The following PTPN4 variants were observed in gnomAD, a reference collection of about 807,000 sequenced individuals.
The protein encoded by PTPN4 is protein tyrosine phosphatase non-receptor type 4.
In PTPN4, 49 loss-of-function variants were observed where a neutral mutation model predicts 135.5. That is an observed-to-expected ratio of 0.36 (90% CI 0.29 to 0.46). The LOEUF is 0.46. Among genes scored for constraint, PTPN4 ranks in the 20% least tolerant of loss-of-function variants. The probability of loss-of-function intolerance (pLI) is 1.00; values close to 1 mark genes in which losing one functional copy is unlikely to be tolerated. For synonymous variants in PTPN4, 333 were observed against 369.9 expected (o/e 0.90, Z 1.14); for missense variants, 860 against 1,101.0 (o/e 0.78, Z 3.10).
intron 3 of PTPN4, among the ~76,000 whole-genome samples, chr2:119,869,849 A>G (rs1677883644): frequency 6.6e-6 from 1 of 152,240 alleles, no homozygotes. Flanking sequence ...GAATGTTGAC[A>G]TTCAGTGTTG....
intron 5 of PTPN4, among the ~76,000 whole-genome samples, chr2:119,878,770 T>G (rs1002763807): frequency 3.3e-5 from 5 of 151,210 alleles, no homozygotes; most frequent in Non-Finnish European, 7.4e-5. Flanking sequence ...CTTGCAACTA[T>G]TAGTAGAATC....
intron 13 of PTPN4, 35 bp downstream of exon 13, chr2:119,926,701 T>A (rs776700196): frequency 3.1e-5 from 46 of 1,477,548 alleles, no homozygotes; most frequent in Non-Finnish European, 3.9e-5. Flanking sequence ...TGAATTTTTT[T>A]AAAAAGATGG....
intron 3 of PTPN4, among the ~76,000 whole-genome samples, chr2:119,876,940 T>TGTGCGC (rs1182103102): frequency 1.3e-5 from 2 of 148,480 alleles, no homozygotes; most frequent in East Asian, 2.0e-4. Context: ...TGTGTGTGTG[T>TGTGCGC]GCGTGAAGGG....
intron 16 of PTPN4, among the ~76,000 whole-genome samples, chr2:119,945,733 A>G (rs1158741369): frequency 6.6e-6 from 1 of 152,144 alleles, no homozygotes; most frequent in Non-Finnish European, 1.5e-5. Context: ...AGAGACAGTA[A>G]GTAGATTTGT....
chr2:119,808,033 T>A (rs1691511209), intron 1 of PTPN4, among the ~76,000 whole-genome samples: 1 of 152,242 alleles, frequency 6.6e-6, no homozygotes, highest in South Asian at 2.1e-4. Context: ...CAGCCTTTCA[T>A]GCTAAAAACT....
At chr2:119,800,280 C>T (rs1691338528) in intron 1 of PTPN4, among the ~76,000 whole-genome samples, 2 of 152,066 alleles carry the variant, frequency 1.3e-5, no homozygotes, top group African/African-American at 2.4e-5. Flanking sequence ...TTATTTTGGC[C>T]GTTAAATAGG....
At chr2:119,866,192 T>C (rs1188470490) in intron 3 of PTPN4, among the ~76,000 whole-genome samples, 1 of 152,130 alleles carries the variant, frequency 6.6e-6, no homozygotes, top group Non-Finnish European at 1.5e-5. Context: ...CTTAGTGGTC[T>C]TTATCAGCAT....
chr2:119,866,371 T>A (rs930050549), intron 3 of PTPN4, among the ~76,000 whole-genome samples: 7 of 152,100 alleles, frequency 4.6e-5, no homozygotes, highest in African/African-American at 1.7e-4. Context: ...TGGTTTATGA[T>A]ATTTGACTGG....
At position 119,809,900 on chromosome 2, in the gene PTPN4, G is replaced by A. The variant is rs866186886; in HGVS notation, c.47G>A (p.Arg16Gln). The A allele has an allele frequency of 7.4e-6, 12 of 1,613,112 alleles. No individual in the cohort carries two copies. The highest frequency in any genetic ancestry group is 1.1e-5 in the South Asian group (1 of 91,042). The change falls in exon 2 of 27, where the codon CGA becomes CAA. Residue 16 changes from arginine (R) to glutamine (Q), a missense_variant. Physicochemically the swap from Arg to Gln is conservative, Grantham distance 43. Coordinates refer to ENST00000263708, the MANE Select transcript of PTPN4 (RefSeq NM_002830.4). ...RLPAGRTYNV[R>Q]ASELARDRQH... Reference sequence around the variant, plus strand: ...CCTGCTGGCAGAACCTACAATGTACGAGCATCAGAGTTGGCCCGAGACAGA... The same window carrying A: ...CCTGCTGGCAGAACCTACAATGTACAAGCATCAGAGTTGGCCCGAGACAGA...
chr2:119,967,868 A>T lies in PTPN4; in HGVS notation c.2590A>T (p.Thr864Ser). The T allele has an allele frequency of 6.2e-7, 1 of 1,611,106 alleles. No individual in the cohort carries two copies. The highest frequency in any genetic ancestry group is 8.5e-7 in the Non-Finnish European group (1 of 1,178,034). The stretch of plus-strand genomic sequence containing the variant: ...AATCGGAAGAACTGGGGTTCTTATT[A>T]CTATGGAAACAGCCATGTGTCTCAT... ...AGIGRTGVLI[T>S]METAMCLIEC... is the part of the protein sequence containing the mutation. The change falls in exon 26 of 27, where the codon ACT becomes TCT. Residue 864 changes from threonine to serine, a missense_variant. Physicochemically the swap from Thr to Ser is moderately conservative, Grantham distance 58. Coordinates refer to ENST00000263708, the MANE Select transcript of PTPN4 (RefSeq NM_002830.4).
chr2:119,848,858 C>T (rs1287005538), intron 2 of PTPN4, among the ~76,000 whole-genome samples: 25 of 152,110 alleles, frequency 1.6e-4, no homozygotes. Flanking sequence ...CTCGGCCTCC[C>T]AAAGTGCTGG....
chr2:119,813,318 G>A (rs1008694457), intron 2 of PTPN4, among the ~76,000 whole-genome samples: 17 of 151,742 alleles, frequency 1.1e-4, no homozygotes, highest in Non-Finnish European at 2.9e-5. Context: ...CACGATCTCG[G>A]CTCACCGCAA....
intron 2 of PTPN4, among the ~76,000 whole-genome samples, chr2:119,819,025 G>A (rs762405239): frequency 3.3e-5 from 5 of 152,206 alleles, no homozygotes; most frequent in Non-Finnish European, 7.4e-5. Context: ...GCAATTTCAT[G>A]TGTATTTTTA....
chr2:119,887,832 C>T (rs146668327), intron 9 of PTPN4, among the ~76,000 whole-genome samples: 3 of 152,080 alleles, frequency 2.0e-5, no homozygotes, highest in Admixed American at 6.5e-5. Context: ...CTTTTTGCTC[C>T]GGATTGCTTT....
chr2:119,908,822 T>C (rs1372719781), intron 10 of PTPN4, among the ~76,000 whole-genome samples: 3 of 152,160 alleles, frequency 2.0e-5, no homozygotes, highest in Non-Finnish European at 4.4e-5. Context: ...GGATAAATTT[T>C]TGAAGGAATT....
chr2:119,848,205 G>A (rs1284463046), intron 2 of PTPN4, among the ~76,000 whole-genome samples: 3 of 137,936 alleles, frequency 2.2e-5, no homozygotes, highest in East Asian at 4.3e-4. Flanking sequence ...ATGGAGTCTC[G>A]CTCTGTCACC....
chr2:119,912,129 A>G (rs977961865), intron 10 of PTPN4, among the ~76,000 whole-genome samples: 8 of 152,124 alleles, frequency 5.3e-5, no homozygotes, highest in Non-Finnish European at 7.3e-5. Context: ...TGAAAAACAC[A>G]ATGCAGATGA....
chr2:119,851,146 C>G (rs1002460935), intron 2 of PTPN4, among the ~76,000 whole-genome samples: 2 of 152,172 alleles, frequency 1.3e-5, no homozygotes, highest in African/African-American at 4.8e-5. Flanking sequence ...ATTTTTTAGA[C>G]TTCTCCAGTG....
chr2:119,908,874 A>G (rs1678527367), intron 10 of PTPN4, among the ~76,000 whole-genome samples: 1 of 152,210 alleles, frequency 6.6e-6, no homozygotes, highest in Non-Finnish European at 1.5e-5. Flanking sequence ...TACAAAAGTG[A>G]AACAGCCTTA....
Sources: gnomAD v4.1 joint callset for allele counts (sites outside exome capture counted in the v4.1 genomes callset) on GRCh38, gnomAD v4.1.1 for gene constraint, MANE v1.5 for transcripts, NCBI Gene and HGNC (gene_info 2026-07-23, HGNC 2026-07-21) for gene names.